ZNF184: variants seen among roughly 807,000 people sequenced by gnomAD.
The protein encoded by ZNF184 is zinc finger protein 184 (Kruppel-like).
Under a neutral mutation model 54.4 loss-of-function variants are expected in ZNF184, and 16 were observed. The observed-to-expected ratio is 0.29, with a 90% CI of 0.20 to 0.45. The LOEUF (loss-of-function observed/expected upper bound fraction) is 0.45, where lower values mean the gene tolerates loss of function less well. Ranked by LOEUF, ZNF184 falls within the 20% of genes least tolerant of loss-of-function variation. The pLI is 1.00. For synonymous variants in ZNF184, 254 were observed against 295.3 expected (o/e 0.86, Z 1.43); for missense variants, 681 against 888.2 (o/e 0.77, Z 2.97).
chr6:27,455,232 G>T (rs2113715264), intron 5 of ZNF184, among the ~76,000 whole-genome samples: 1 of 152,172 alleles, frequency 6.6e-6, no homozygotes, highest in Admixed American at 6.5e-5. Context: ...TCAAATTCCA[G>T]CAATAAAAAG....
the ZNF184 span, among the ~76,000 whole-genome samples, chr6:27,443,879 G>A: frequency 1.3e-5 from 2 of 151,912 alleles, no homozygotes; most frequent in African/African-American, 4.8e-5. Context: ...CACCCTTGCT[G>A]TCTTACCCCT....
Position 27,452,977 on chromosome 6 carries a change from T to A in ZNF184, c.582A>T (p.Val194=). ...TCTCTTCTGGAGATGGTTCTTGTGT[T>A]ACAAGGTTTGAACTCACATTGACAC... ...GKSVNVSSNL[V]TQEPSPEETS... is the part of the protein sequence containing the mutation. Residue 194 remains valine (V), a synonymous_variant, in exon 6 of 6, where the codon GTA becomes GTT. Transcript: ENST00000683788. This position sits in a 1 kb window ranked among gnomAD's most constrained non-coding sequence, Gnocchi z 5.5. The A allele has an allele frequency of 6.2e-7, 1 of 1,614,196 alleles. No homozygotes were observed. The highest frequency in any genetic ancestry group is 2.2e-5 in the East Asian group (1 of 44,878).
At chr6:27,415,635 T>C in the ZNF184 span, among the ~76,000 whole-genome samples, 25 of 152,180 alleles carry the variant, frequency 1.6e-4, no homozygotes, top group African/African-American at 6.0e-4. Context: ...GTTTCTTACC[T>C]CAGAAATCCC....
chr6:27,417,578 T>C, the ZNF184 span, among the ~76,000 whole-genome samples: 1 of 152,162 alleles, frequency 6.6e-6, no homozygotes, highest in African/African-American at 2.4e-5. Flanking sequence ...CAGGACAGCC[T>C]CTGCTTGCCA....
chr6:27,470,325 C>T (rs1763243600), intron 2 of ZNF184, among the ~76,000 whole-genome samples: 2 of 151,508 alleles, frequency 1.3e-5, no homozygotes, highest in South Asian at 4.2e-4. Flanking sequence ...GTGCCATAGA[C>T]AGCTTAGGCA....
At chr6:27,462,800 G>C in intron 3 of ZNF184, among the ~76,000 whole-genome samples, 1 of 151,120 alleles carries the variant, frequency 6.6e-6, no homozygotes, top group Non-Finnish European at 1.5e-5. Flanking sequence ...AGGAGGCAGA[G>C]GTTGCAGTGA....
At chr6:27,464,172 T>A (rs1173529736) in intron 3 of ZNF184, among the ~76,000 whole-genome samples, 1 of 152,132 alleles carries the variant, frequency 6.6e-6, no homozygotes, top group Non-Finnish European at 1.5e-5. Flanking sequence ...AACTACTGAT[T>A]TATAAAAATG....
At chr6:27,418,070 C>T in the ZNF184 span, among the ~76,000 whole-genome samples, 5 of 152,292 alleles carry the variant, frequency 3.3e-5, no homozygotes, top group East Asian at 9.6e-4. Context: ...GCAAACCTCA[C>T]AAAAGACAGT....
At chr6:27,442,712 AAAG>A in the ZNF184 span, among the ~76,000 whole-genome samples, 2 of 109,418 alleles carry the variant, frequency 1.8e-5, no homozygotes, top group East Asian at 2.5e-4. Flanking sequence ...AGAGAGAGAG[AAAG>A]AAGGACGGAA....
downstream of ZNF184, among the ~76,000 whole-genome samples, chr6:27,446,571 T>C (rs1228203174): frequency 1.3e-5 from 2 of 152,136 alleles, no homozygotes; most frequent in East Asian, 1.9e-4. Context: ...AGAGAGCCCC[T>C]ACGACAATGA....
chr6:27,452,443 G>A lies in ZNF184; in HGVS notation c.1116C>T (p.Thr372=), dbSNP rs779305429. The change falls in exon 6 of 6, where the codon ACC becomes ACT. Residue 372 remains threonine (T), a synonymous_variant. Transcript: ENST00000683788. This position sits in a 1 kb window ranked among gnomAD's most constrained non-coding sequence, Gnocchi z 5.5. The part of the protein sequence containing the change: ...FKCDECDKTF[T]RSTHLTQHQK... ...GATGTTGAGTAAGGTGTGTGCTCCT[G>A]GTGAAGGTTTTATCACATTCATCAC... 7.1e-5 allele frequency: 115 copies of A among 1,613,984 alleles called. 1 individual carries two copies. In the Middle Eastern group the frequency reaches 1.2e-3, roughly 16 times the overall value.
chr6:27,424,300 G>A, the ZNF184 span, among the ~76,000 whole-genome samples: 4 of 152,342 alleles, frequency 2.6e-5, no homozygotes, highest in South Asian at 6.2e-4. Context: ...AGCACAAAGA[G>A]TAAGCAGCAG....
chr6:27,465,793 C>CT (rs1157757135), intron 3 of ZNF184, among the ~76,000 whole-genome samples: 4 of 152,114 alleles, frequency 2.6e-5, no homozygotes, highest in Non-Finnish European at 5.9e-5. Context: ...CCACAACAGT[C>CT]TGAGATTTCA....
the ZNF184 span, among the ~76,000 whole-genome samples, chr6:27,422,135 T>G: frequency 1.5e-5 from 1 of 67,020 alleles, no homozygotes; most frequent in African/African-American, 8.4e-5. Context: ...GACGAGGCCG[T>G]ACCTCAAAAA....
intron 2 of ZNF184, among the ~76,000 whole-genome samples, chr6:27,471,070 T>C (rs1033715157): frequency 2.6e-5 from 4 of 152,230 alleles, no homozygotes; most frequent in Admixed American, 6.5e-5. Context: ...TGATAATAGT[T>C]AGGTCAAACC....
At chr6:27,418,637 A>G in the ZNF184 span, among the ~76,000 whole-genome samples, 10 of 152,180 alleles carry the variant, frequency 6.6e-5, no homozygotes, top group Admixed American at 2.0e-4. Flanking sequence ...ACATCATGGT[A>G]TAAATTTACT....
At chr6:27,446,622 C>A (rs2113704900), downstream of ZNF184, among the ~76,000 whole-genome samples, 1 of 152,304 alleles carries the variant, frequency 6.6e-6, no homozygotes, top group South Asian at 2.1e-4. Flanking sequence ...AGAGTCTCCA[C>A]TAGGGCTGCC....
At chr6:27,458,584 CA>C (rs57965027) in intron 3 of ZNF184, among the ~76,000 whole-genome samples, 90,557 of 147,744 alleles carry the variant, frequency 0.61, 27,259 homozygotes, top group Middle Eastern at 0.76. Context: ...GTCAAAAAGA[CA>C]AAAAAAAAAA....
chr6:27,410,689 G>A, the ZNF184 span, among the ~76,000 whole-genome samples: 142 of 152,098 alleles, frequency 9.3e-4, 1 homozygote, highest in African/African-American at 3.2e-3. Flanking sequence ...GCACCACCAC[G>A]CCCGGCTAAT....
Sources: allele counts gnomAD v4.1 joint callset (sites outside exome capture counted in the v4.1 genomes callset), GRCh38; gene constraint gnomAD v4.1.1; non-coding constraint Gnocchi (gnomAD v3.1); transcripts MANE v1.5; gene names NCBI Gene and HGNC (gene_info 2026-07-23, HGNC 2026-07-21).